Variants in PUDP observed in about 807,000 individuals in gnomAD.
PUDP encodes the protein pseudouridine 5'-phosphatase, also known as pseudouridine-5'-phosphatase.
In PUDP, 8 loss-of-function variants were observed where a neutral mutation model predicts 9.4. That is an observed-to-expected ratio of 0.85 (90% confidence interval 0.50 to 1.53). The LOEUF (loss-of-function observed/expected upper bound fraction) is 1.53, where lower values mean the gene tolerates loss of function less well. PUDP is among the 40% of genes most tolerant of loss of function. The pLI, the probability that PUDP is intolerant of heterozygous loss-of-function variation, is 0.00. For missense variants in PUDP, 188 were observed against 189.7 expected, an observed-to-expected ratio of 0.99 and a Z score of 0.05; for synonymous variants, 99 against 80.7, an observed-to-expected ratio of 1.23 and a Z score of -1.22.
intron 3 of PUDP, among the ~76,000 whole-genome samples, chrX:6,788,845 C>T (rs771899849): frequency 1.8e-5 from 2 of 112,334 alleles, no homozygotes; most frequent in Admixed American, 9.4e-5. Flanking sequence ...ATCCACAAAA[C>T]GAAATAAAGG....
At position 6,985,383 on chromosome X, in the gene PUDP, C is replaced by T. The variant is rs773247900; in HGVS notation, c.205-7040G>A. 1.3e-4 allele frequency among the ~76,000 whole-genome samples: 14 copies of T among 111,306 alleles called. No individual in the cohort carries two copies. In the South Asian group the frequency reaches 5.4e-3, roughly 43 times the overall value. On this transcript the variant is annotated intron_variant and NMD_transcript_variant, in intron 1 of 3. Coordinates refer to the PUDP transcript ENST00000655425. Reference sequence around the variant, plus strand: ...GGGTCCAAGTGCTGGGGTGATTGCCCTTATTTTGTCTCCTGCTAACTCATG... The same window carrying T: ...GGGTCCAAGTGCTGGGGTGATTGCCTTTATTTTGTCTCCTGCTAACTCATG...
intron 3 of PUDP, among the ~76,000 whole-genome samples, chrX:6,879,353 G>A (rs1927311910): frequency 9.0e-6 from 1 of 111,451 alleles, no homozygotes; most frequent in African/African-American, 3.3e-5. Context: ...TTTGCAGAAT[G>A]GCCTTGAATT....
chrX:6,904,243 C>T (rs1486060129), intron 3 of PUDP, among the ~76,000 whole-genome samples: 3 of 110,884 alleles, frequency 2.7e-5, no homozygotes, highest in Non-Finnish European at 5.7e-5. Context: ...TGAGCCACCA[C>T]GGCTGGCCCT....
intron 1 of PUDP, among the ~76,000 whole-genome samples, chrX:7,114,165 C>G (rs1932133164): frequency 9.0e-6 from 1 of 111,469 alleles, no homozygotes; most frequent in Non-Finnish European, 1.9e-5. Flanking sequence ...ACCTCTGCAT[C>G]CCAGGTTCAT....
At chrX:6,805,806 CTG>C (rs1176941998) in intron 3 of PUDP, among the ~76,000 whole-genome samples, 2 of 110,872 alleles carry the variant, frequency 1.8e-5, no homozygotes, top group Non-Finnish European at 3.8e-5. Context: ...GCCTGAGTCA[CTG>C]TGCCCAGTCT....
intron 1 of PUDP, among the ~76,000 whole-genome samples, chrX:7,130,201 G>T (rs747234046): frequency 9.0e-6 from 1 of 111,272 alleles, no homozygotes; most frequent in South Asian, 3.8e-4. Flanking sequence ...CTTCAAAGTT[G>T]TGAGTTCGGC....
intron 3 of PUDP, among the ~76,000 whole-genome samples, chrX:7,074,024 T>A (rs773442410): frequency 8.9e-6 from 1 of 112,748 alleles, no homozygotes; most frequent in Non-Finnish European, 1.9e-5. Context: ...GGTTTCACCA[T>A]AACTGGTCCC....
chrX:6,923,378 A>G (rs773234364), intron 3 of PUDP, among the ~76,000 whole-genome samples: 34 of 111,947 alleles, frequency 3.0e-4, no homozygotes, highest in African/African-American at 1.0e-3. Context: ...ACCAATTCCT[A>G]TGTGACCTCT....
At chrX:6,851,532 T>C (rs1926826746) in intron 3 of PUDP, among the ~76,000 whole-genome samples, 1 of 111,510 alleles carries the variant, frequency 9.0e-6, no homozygotes. Flanking sequence ...AGGAATTAGA[T>C]GCTATGCATA....
chrX:7,017,919 C>T (rs944050428), intron 1 of PUDP, among the ~76,000 whole-genome samples: 8 of 111,668 alleles, frequency 7.2e-5, no homozygotes, highest in African/African-American at 2.6e-4. Flanking sequence ...AAAGACCTTG[C>T]TGATAAAACA....
intron 1 of PUDP, among the ~76,000 whole-genome samples, chrX:7,015,400 G>A (rs1383112163): frequency 9.0e-6 from 1 of 111,691 alleles, no homozygotes; most frequent in Non-Finnish European, 1.9e-5. Flanking sequence ...GCCTGTCTGA[G>A]CAGTGCTTCT....
intron 3 of PUDP, among the ~76,000 whole-genome samples, chrX:6,959,113 AG>A (rs1004928373): frequency 8.9e-6 from 1 of 112,140 alleles, no homozygotes; most frequent in Admixed American, 9.5e-5. Flanking sequence ...AGAGGAAAAC[AG>A]GGGTGTGGCC....
At chrX:6,933,624 T>C (rs1393400335) in intron 3 of PUDP, among the ~76,000 whole-genome samples, 1 of 112,079 alleles carries the variant, frequency 8.9e-6, no homozygotes, top group African/African-American at 3.2e-5. Flanking sequence ...GGAACAAAGC[T>C]GGATGGAGAA....
intron 3 of PUDP, among the ~76,000 whole-genome samples, chrX:6,930,363 C>A (rs1928169939): frequency 9.0e-6 from 1 of 111,492 alleles, no homozygotes; most frequent in Non-Finnish European, 1.9e-5. Flanking sequence ...TGGTCAAATC[C>A]ACCAAAACCA....
intron 3 of PUDP, among the ~76,000 whole-genome samples, chrX:6,751,747 G>T (rs1925089605): frequency 9.0e-6 from 1 of 111,333 alleles, no homozygotes; most frequent in Admixed American, 9.5e-5. Flanking sequence ...CCTCATATTT[G>T]TATGAATGAT....
At chrX:6,790,523 T>C (rs999790408) in intron 3 of PUDP, among the ~76,000 whole-genome samples, 3 of 112,474 alleles carry the variant, frequency 2.7e-5, no homozygotes, top group Non-Finnish European at 3.8e-5. Flanking sequence ...ATTTAGTAAA[T>C]AAAAATTCAG....
At chrX:7,080,285 C>T (rs976483387) in intron 2 of PUDP, among the ~76,000 whole-genome samples, 10 of 112,220 alleles carry the variant, frequency 8.9e-5, no homozygotes, top group Admixed American at 3.8e-4. Context: ...CACAAATAAC[C>T]TGAATAGCCT....
intron 3 of PUDP, among the ~76,000 whole-genome samples, chrX:6,879,951 T>A (rs1927320745): frequency 9.1e-6 from 1 of 110,375 alleles, no homozygotes; most frequent in African/African-American, 3.3e-5. Context: ...CCCCCTTATC[T>A]CAAGATGTTG....
chrX:6,782,386 A>G lies in PUDP; in HGVS notation c.*248-75920T>C, dbSNP rs781477751. ...GGAATTTGAGACCAGCCTGGCCAAC[A>G]TAGTGAAACCCCATCTCTACTAAAA... On this transcript the variant is annotated intron_variant and NMD_transcript_variant, in intron 3 of 3. Coordinates refer to the PUDP transcript ENST00000655425. Among the ~76,000 whole-genome samples the G allele has an allele frequency of 2.1e-4, 23 of 111,071 alleles. No homozygotes were observed. The South Asian group carries it at 3.9e-3, about 19-fold the overall frequency.
Sources: gnomAD v4.1 joint callset for allele counts (sites outside exome capture counted in the v4.1 genomes callset) on GRCh38, gnomAD v4.1.1 for gene constraint, MANE v1.5 for transcripts, NCBI Gene and HGNC (gene_info 2026-07-23, HGNC 2026-07-21) for gene names.